TENM4: variants seen among roughly 807,000 people sequenced by gnomAD.
The protein encoded by TENM4 is teneurin-4.
Under a neutral mutation model 243.3 loss-of-function variants are expected in TENM4, and 82 were observed. That is an observed-to-expected ratio of 0.34 (90% CI 0.28 to 0.40). The LOEUF (loss-of-function observed/expected upper bound fraction) is 0.40. Among genes scored for constraint, TENM4 ranks in the 10% least tolerant of loss-of-function variants. The pLI is 1.00. For synonymous variants in TENM4, 1,412 were observed against 1,456.3 expected, an observed-to-expected ratio of 0.97 and a Z score of 0.69; for missense variants, 3,138 against 3,673.3, an observed-to-expected ratio of 0.85 and a Z score of 3.77.
intron 6 of TENM4, among the ~76,000 whole-genome samples, chr11:79,023,561 C>CAA (rs3985612): frequency 0.08 from 9,040 of 113,322 alleles, 566 homozygotes; most frequent in African/African-American, 0.18. Flanking sequence ...GGCTCTGTCT[C>CAA]AAAAAAAAAA....
chr11:79,123,283 AT>A, intron 4 of TENM4, among the ~76,000 whole-genome samples: 2 of 152,318 alleles, frequency 1.3e-5, no homozygotes, highest in South Asian at 4.1e-4. Flanking sequence ...TTATAGCACT[AT>A]TTTTAGGCCC....
chr11:79,230,115 G>A (rs1356626670), intron 2 of TENM4, among the ~76,000 whole-genome samples: 5 of 151,188 alleles, frequency 3.3e-5, no homozygotes, highest in Non-Finnish European at 5.9e-5. Flanking sequence ...TGAACTTCTC[G>A]AGGAAGGACC....
chr11:78,959,993 G>T (rs1389541475), intron 6 of TENM4, among the ~76,000 whole-genome samples: 1 of 151,978 alleles, frequency 6.6e-6, no homozygotes, highest in Non-Finnish European at 1.5e-5. Flanking sequence ...GAAGGCTACT[G>T]GCAGGAATAA....
intron 16 of TENM4, among the ~76,000 whole-genome samples, chr11:78,780,865 A>G (rs1358134202): frequency 1.3e-5 from 2 of 152,244 alleles, no homozygotes; most frequent in Non-Finnish European, 2.9e-5. Context: ...GGCTCAGGTT[A>G]CCATCAGCAC....
At chr11:79,429,827 C>A (rs971015663) in intron 1 of TENM4, among the ~76,000 whole-genome samples, 4 of 152,130 alleles carry the variant, frequency 2.6e-5, no homozygotes, top group Non-Finnish European at 5.9e-5. Flanking sequence ...GGCAAGGACT[C>A]ACAACACTGT....
chr11:78,665,836 C>T (rs1858143397), intron 32 of TENM4, among the ~76,000 whole-genome samples: 1 of 152,152 alleles, frequency 6.6e-6, no homozygotes, highest in Admixed American at 6.5e-5. Flanking sequence ...GCCTTCCCAG[C>T]AGTCCATTCT....
chr11:79,418,417 T>C (rs913943409), intron 1 of TENM4, among the ~76,000 whole-genome samples: 4 of 152,230 alleles, frequency 2.6e-5, no homozygotes, highest in East Asian at 1.9e-4. Flanking sequence ...CTGATACTAA[T>C]GGTTGCAAGA....
intron 12 of TENM4, among the ~76,000 whole-genome samples, chr11:78,846,510 G>T (rs927297061): frequency 1.3e-5 from 2 of 152,120 alleles, no homozygotes; most frequent in South Asian, 2.1e-4. Context: ...TGCAACTGGC[G>T]TCTACCACTC....
At chr11:78,861,269 T>C (rs988035137) in intron 10 of TENM4, among the ~76,000 whole-genome samples, 1 of 152,246 alleles carries the variant, frequency 6.6e-6, no homozygotes, top group African/African-American at 2.4e-5. Context: ...TATTTTCATA[T>C]GTAGAACTTA....
At chr11:79,195,572 G>T (rs1213376273) in intron 3 of TENM4, among the ~76,000 whole-genome samples, 1 of 152,144 alleles carries the variant, frequency 6.6e-6, no homozygotes, top group African/African-American at 2.4e-5. Flanking sequence ...ACTGCCGCTG[G>T]ATTTTGGACT....
At chr11:79,427,950 T>G (rs1271219584) in intron 1 of TENM4, among the ~76,000 whole-genome samples, 1 of 152,186 alleles carries the variant, frequency 6.6e-6, no homozygotes, top group Non-Finnish European at 1.5e-5. Context: ...ACAACAATAC[T>G]GACAAACGGT....
intron 12 of TENM4, among the ~76,000 whole-genome samples, chr11:78,842,744 G>GATTC (rs1480848117): frequency 1.3e-5 from 2 of 152,092 alleles, no homozygotes; most frequent in African/African-American, 4.8e-5. Context: ...GACAGAACTG[G>GATTC]ATTCAAACTC....
intron 1 of TENM4, among the ~76,000 whole-genome samples, chr11:79,339,356 A>T (rs188494837): frequency 1.3e-5 from 2 of 152,336 alleles, no homozygotes; most frequent in East Asian, 3.9e-4. Context: ...ACTTGGTAAT[A>T]GGTCAGGAAA....
intron 2 of TENM4, among the ~76,000 whole-genome samples, chr11:79,281,731 C>T (rs1258494627): frequency 6.6e-6 from 1 of 152,164 alleles, no homozygotes; most frequent in Non-Finnish European, 1.5e-5. Context: ...GCCTTTGTCA[C>T]CAAATCTCAT....
chr11:79,075,864 T>C (rs1860524917), intron 4 of TENM4, among the ~76,000 whole-genome samples: 1 of 152,226 alleles, frequency 6.6e-6, no homozygotes, highest in Admixed American at 6.5e-5. Context: ...AGAATTCATT[T>C]TCACAAACTG....
chr11:78,665,147 C>T (rs956717572), intron 32 of TENM4, among the ~76,000 whole-genome samples: 3 of 151,856 alleles, frequency 2.0e-5, no homozygotes, highest in African/African-American at 7.2e-5. Context: ...TTCCTTCCTT[C>T]TTTCTTTTCT....
At chr11:79,387,399 C>T (rs1392514624) in intron 1 of TENM4, among the ~76,000 whole-genome samples, 2 of 152,142 alleles carry the variant, frequency 1.3e-5, no homozygotes, top group Admixed American at 1.3e-4. Context: ...ATATTATGTC[C>T]ATAAAAAGTT....
intron 30 of TENM4, 141 bp from the exon 31 acceptor site, chr11:78,672,470 T>A: frequency 1.1e-6 from 1 of 879,316 alleles, no homozygotes; most frequent in Non-Finnish European, 1.7e-6. Context: ...CAGACATGGG[T>A]TTGAATCCTG....
chr11:79,085,922 G>A (rs527870836), intron 4 of TENM4, among the ~76,000 whole-genome samples: 1 of 152,130 alleles, frequency 6.6e-6, no homozygotes, highest in South Asian at 2.1e-4. Context: ...CATATTGACC[G>A]ACCAATTCTT....
Sources: gnomAD v4.1 joint callset for allele counts (sites outside exome capture counted in the v4.1 genomes callset) on GRCh38, gnomAD v4.1.1 for gene constraint, MANE v1.5 for transcripts, NCBI Gene and HGNC (gene_info 2026-07-23, HGNC 2026-07-21) for gene names.